Variants in FYB2 observed in about 807,000 individuals in gnomAD.
FYB2 encodes the protein FYN-binding protein 2.
Under a neutral mutation model 94.1 loss-of-function variants are expected in FYB2, and 103 were observed. The ratio of observed to expected loss-of-function variants is 1.09; its 90% confidence interval spans 0.93 to 1.29. The LOEUF (loss-of-function observed/expected upper bound fraction) is 1.29. FYB2 is among the 50% of genes most tolerant of loss of function. The pLI is 0.00. For synonymous variants in FYB2, 293 were observed against 287.9 expected (o/e 1.02, Z -0.18); for missense variants, 896 against 841.5 (o/e 1.06, Z -0.80).
At chr1:56,796,602 T>C (rs1331109917) in intron 1 of FYB2, among the ~76,000 whole-genome samples, 3 of 152,162 alleles carry the variant, frequency 2.0e-5, no homozygotes, top group Non-Finnish European at 2.9e-5. Flanking sequence ...AAACCTTCAA[T>C]TTAGCATCCT....
intron 5 of FYB2, among the ~76,000 whole-genome samples, chr1:56,766,188 C>A (rs1645619164): frequency 6.6e-6 from 1 of 152,142 alleles, no homozygotes; most frequent in South Asian, 2.1e-4. Flanking sequence ...AGCTGCTGAA[C>A]CAGAATCTAC....
At chr1:56,789,732 G>A (rs150670160) in intron 2 of FYB2, among the ~76,000 whole-genome samples, 1 of 152,302 alleles carries the variant, frequency 6.6e-6, no homozygotes, top group African/African-American at 2.4e-5. Flanking sequence ...ACTGGTCTAT[G>A]TTCCCATTTA....
intron 5 of FYB2, among the ~76,000 whole-genome samples, chr1:56,764,259 T>C (rs150900712): frequency 1.3e-5 from 2 of 152,278 alleles, no homozygotes; most frequent in Non-Finnish European, 2.9e-5. Context: ...TGACCCATAT[T>C]ATGTCTTTTG....
At chr1:56,740,665 C>G in intron 13 of FYB2, 32 bp downstream of exon 13, 1 of 1,330,260 alleles carries the variant, frequency 7.5e-7, no homozygotes, top group Non-Finnish European at 1.1e-6. Context: ...GGTTAATCCC[C>G]TCGTGGAAAG....
chr1:56,769,080 C>A (rs1435868763), intron 4 of FYB2, among the ~76,000 whole-genome samples: 1 of 151,900 alleles, frequency 6.6e-6, no homozygotes, highest in Non-Finnish European at 1.5e-5. Context: ...ATCCTGTCAC[C>A]CAGGCTGGAG....
At chr1:56,764,409 AT>A (rs56753584) in intron 5 of FYB2, among the ~76,000 whole-genome samples, 9 of 145,518 alleles carry the variant, frequency 6.2e-5, no homozygotes, top group African/African-American at 2.0e-4. Context: ...AGCTCTTTTC[AT>A]TTTTTTTTTC....
At chr1:56,799,392 T>C (rs1646469561) in intron 1 of FYB2, among the ~76,000 whole-genome samples, 1 of 152,168 alleles carries the variant, frequency 6.6e-6, no homozygotes, top group Non-Finnish European at 1.5e-5. Flanking sequence ...AAAATGTAGC[T>C]CTAATCACAC....
chr1:56,722,346 A>G (rs1644501786), intron 17 of FYB2, among the ~76,000 whole-genome samples: 1 of 152,130 alleles, frequency 6.6e-6, no homozygotes, highest in Non-Finnish European at 1.5e-5. Flanking sequence ...GCACATGGAT[A>G]TAAACATAAA....
intron 1 of FYB2, among the ~76,000 whole-genome samples, chr1:56,798,084 C>T (rs192780317): frequency 3.1e-4 from 47 of 152,270 alleles, no homozygotes; most frequent in African/African-American, 6.3e-4. Flanking sequence ...AAGTGACCCA[C>T]GAAATCCTTG....
chr1:56,740,974 G>A (rs1423540498), intron 12 of FYB2, among the ~76,000 whole-genome samples, 179 bp from the exon 13 acceptor site: 1 of 152,040 alleles, frequency 6.6e-6, no homozygotes, highest in Non-Finnish European at 1.5e-5. Context: ...AAAGCGGGAG[G>A]GTGGGAGGAA....
intron 1 of FYB2, 36 bp from the exon 2 acceptor site, chr1:56,792,839 C>CA: frequency 6.5e-7 from 1 of 1,540,740 alleles, no homozygotes; most frequent in African/African-American, 1.4e-5. Context: ...CAAACAAAAA[C>CA]AAAAACAAAC....
intron 8 of FYB2, among the ~76,000 whole-genome samples, chr1:56,752,194 G>C (rs1645215985): frequency 1.3e-5 from 2 of 151,956 alleles, no homozygotes; most frequent in African/African-American, 4.8e-5. Flanking sequence ...GAGTTATGAA[G>C]GGTCTTGCAT....
the FYB2 span, among the ~76,000 whole-genome samples, chr1:56,825,556 A>G: frequency 2.0e-5 from 3 of 152,274 alleles, no homozygotes; most frequent in Non-Finnish European, 2.9e-5. Context: ...TTCTCACCCT[A>G]CGGAACCTGT....
intron 1 of FYB2, among the ~76,000 whole-genome samples, chr1:56,802,225 A>G (rs1227186440): frequency 2.0e-5 from 3 of 152,138 alleles, no homozygotes; most frequent in Non-Finnish European, 4.4e-5. Flanking sequence ...ATCTTATCAT[A>G]ACTACTTACT....
chr1:56,757,687 C>CTTCCTTCCTTCCTTCCTTCT (rs1293394860), intron 6 of FYB2, among the ~76,000 whole-genome samples: 3 of 71,956 alleles, frequency 4.2e-5, no homozygotes, highest in African/African-American at 6.3e-5. Context: ...TCCTTCCTTC[C>CTTCCTTCCTTCCTTCCTTCT]TTCTTTCTTT....
At chr1:56,798,321 A>T (rs1646446290) in intron 1 of FYB2, among the ~76,000 whole-genome samples, 1 of 152,224 alleles carries the variant, frequency 6.6e-6, no homozygotes, top group Admixed American at 6.5e-5. Flanking sequence ...GCAAGCCTCA[A>T]ATACCCATCT....
At chr1:56,814,548 C>G (rs1393448020) in intron 1 of FYB2, among the ~76,000 whole-genome samples, 1 of 152,158 alleles carries the variant, frequency 6.6e-6, no homozygotes, top group African/African-American at 2.4e-5. Flanking sequence ...CAACACAATT[C>G]AAGAGGACTC....
At chr1:56,788,754 T>C (rs1425624669) in intron 3 of FYB2, 10 of 583,448 alleles carry the variant, frequency 1.7e-5, no homozygotes, top group Non-Finnish European at 2.7e-5. Context: ...TCAAATGCAG[T>C]GCTCTCAGGG....
intron 16 of FYB2, among the ~76,000 whole-genome samples, 164 bp downstream of exon 16, chr1:56,726,333 C>G (rs552053111): frequency 6.6e-6 from 1 of 152,026 alleles, no homozygotes; most frequent in South Asian, 2.1e-4. Flanking sequence ...ATTCTTTGTC[C>G]CTTTTAATCC....
Sources: gnomAD v4.1 joint callset for allele counts (sites outside exome capture counted in the v4.1 genomes callset) on GRCh38, gnomAD v4.1.1 for gene constraint, MANE v1.5 for transcripts, NCBI Gene and HGNC (gene_info 2026-07-23, HGNC 2026-07-21) for gene names.